Variants in TMEM38B observed in about 807,000 individuals in gnomAD.
TMEM38B encodes trimeric intracellular cation channel type B.
TMEM38B carries 24 observed loss-of-function variants against 28.7 expected under a neutral mutation model. The ratio of observed to expected loss-of-function variants is 0.84; its 90% CI spans 0.61 to 1.18. TMEM38B has a LOEUF of 1.18. TMEM38B is among the 50% of genes most tolerant of loss of function. The probability of loss-of-function intolerance (pLI) is 0.00; values close to 1 mark genes in which losing one functional copy is unlikely to be tolerated. For missense variants in TMEM38B, 380 were observed against 350.9 expected (o/e 1.08, Z -0.66); for synonymous variants, 131 against 127.7 (o/e 1.03, Z -0.17).
chr9:105,760,059 T>G, intron 5 of TMEM38B: 1 of 1,138,960 alleles, frequency 8.8e-7, no homozygotes. Context: ...CAGCTTCTTC[T>G]GTGTTGACTG....
chr9:105,732,525 G>A (rs376386150), intron 4 of TMEM38B, among the ~76,000 whole-genome samples: 2 of 152,012 alleles, frequency 1.3e-5, no homozygotes, highest in Non-Finnish European at 2.9e-5. Flanking sequence ...TTTTCTACAT[G>A]TGGCTAGCCA....
At chr9:105,699,067 G>A (rs1477645144) in intron 1 of TMEM38B, among the ~76,000 whole-genome samples, 1 of 151,926 alleles carries the variant, frequency 6.6e-6, no homozygotes, top group Non-Finnish European at 1.5e-5. Context: ...ATCACTTTAT[G>A]TCCTATGGTA....
chr9:105,737,114 A>G (rs1035695564), intron 4 of TMEM38B, among the ~76,000 whole-genome samples: 1 of 152,200 alleles, frequency 6.6e-6, no homozygotes, highest in Non-Finnish European at 1.5e-5. Flanking sequence ...CGTGGGGCCA[A>G]TGTGCTGAGC....
intron 1 of TMEM38B, among the ~76,000 whole-genome samples, chr9:105,699,528 A>G (rs371257367): frequency 9.2e-5 from 14 of 152,306 alleles, no homozygotes; most frequent in African/African-American, 3.1e-4. Flanking sequence ...TAGATCTTAA[A>G]CAATGCCACC....
intron 5 of TMEM38B, chr9:105,759,522 A>T (rs1289432851): frequency 7.0e-6 from 11 of 1,576,684 alleles, no homozygotes; most frequent in Non-Finnish European, 9.5e-6. Context: ...GTCATAATTT[A>T]ATAGGGTTAA....
intron 1 of TMEM38B, among the ~76,000 whole-genome samples, chr9:105,695,455 A>G (rs1835256426): frequency 6.6e-6 from 1 of 152,182 alleles, no homozygotes; most frequent in Non-Finnish European, 1.5e-5. Context: ...GCGTAGTTTC[A>G]CTATCTGCAG....
chr9:105,749,026 G>A (rs1486018401), intron 5 of TMEM38B: 1 of 1,260,912 alleles, frequency 7.9e-7, no homozygotes, highest in Admixed American at 2.4e-5. Flanking sequence ...ATATAAATAT[G>A]TGTCTTAGAA....
In TMEM38B at chr9:105,735,470, G is replaced by T. The variant is rs967907644; in HGVS notation, c.543-12603G>T. On this transcript the variant is annotated intron_variant, in intron 4 of 5. Transcript: ENST00000374692. ...ACTCTTAAGCATTTCTTGTAAGACT[G>T]GTCTAGTGGTGATGAATTCCCTCAG... 3.3e-5 allele frequency among the ~76,000 whole-genome samples: 5 copies of T among 152,282 alleles called. No homozygotes were observed. In the East Asian group the frequency reaches 9.6e-4, roughly 29 times the overall value.
chr9:105,701,152 T>A (rs2133546220), intron 1 of TMEM38B: 1 of 152,312 alleles, frequency 6.6e-6, no homozygotes, highest in South Asian at 2.1e-4. Context: ...ATAACCTAGT[T>A]AACAATTTTA....
At position 105,722,040 on chromosome 9, in the gene TMEM38B, T is replaced by C. The variant is rs557239450; in HGVS notation, c.454+319T>C. Among the ~76,000 whole-genome samples, 4 of 152,336 alleles carry C rather than the reference T, an allele frequency of 2.6e-5. No homozygotes were observed. In the South Asian group the frequency reaches 8.3e-4, roughly 32 times the overall value. ...TAAAATAAGTTTACATAAGAAATTA[T>C]GTGGTACATATGAATAAAAAATATT... On this transcript the variant is annotated intron_variant, in intron 3 of 5. Transcript: ENST00000374692.
chr9:105,761,459 ATACT>A (rs1182466140), intron 5 of TMEM38B, among the ~76,000 whole-genome samples: 6 of 152,222 alleles, frequency 3.9e-5, no homozygotes, highest in African/African-American at 1.4e-4. Context: ...CATTTAAAAG[ATACT>A]TATTTAGCAA....
intron 5 of TMEM38B, among the ~76,000 whole-genome samples, chr9:105,752,131 T>C (rs1190326134): frequency 6.6e-6 from 1 of 152,144 alleles, no homozygotes; most frequent in Non-Finnish European, 1.5e-5. Flanking sequence ...GGAGAGGACC[T>C]CCCTACGGGG....
rs1397295110 is a variant in TMEM38B, at chr9:105,775,297, T to A, written c.*1217T>A. The A allele has an allele frequency of 6.6e-6, 1 of 152,104 alleles. No homozygotes were observed. The highest frequency in any genetic ancestry group is 1.5e-5 in the Non-Finnish European group (1 of 67,992). 9.4% of individuals were successfully genotyped at this position (152,104 alleles called of 1,614,324 possible). A position where few individuals can be genotyped will look rare whatever the true frequency, so the allele number is the denominator to read the frequency against. On this transcript the variant is annotated 3_prime_UTR_variant, in exon 6 of 6. Transcript: ENST00000374692. ...GATGATATAAAATCTGGTTCCTTCT[T>A]AGCAAAATAAAAAACAAACAAGAAA...
chr9:105,696,535 A>C (rs187085457), intron 1 of TMEM38B, among the ~76,000 whole-genome samples: 2 of 152,200 alleles, frequency 1.3e-5, no homozygotes, highest in Non-Finnish European at 1.5e-5. Flanking sequence ...CATTTAATAC[A>C]TTTACTTTTT....
chr9:105,750,502 T>C (rs763542542), intron 5 of TMEM38B, among the ~76,000 whole-genome samples: 1 of 152,122 alleles, frequency 6.6e-6, no homozygotes, highest in Non-Finnish European at 1.5e-5. Flanking sequence ...TAATCCCAGC[T>C]ACTCAGGAGG....
At chr9:105,733,063 C>T (rs1836823269) in intron 4 of TMEM38B, among the ~76,000 whole-genome samples, 1 of 152,100 alleles carries the variant, frequency 6.6e-6, no homozygotes, top group Admixed American at 6.6e-5. Flanking sequence ...TTTCTTAATC[C>T]TGAGTTCCAA....
At chr9:105,752,227 G>T (rs979231736) in intron 5 of TMEM38B, among the ~76,000 whole-genome samples, 5 of 152,188 alleles carry the variant, frequency 3.3e-5, no homozygotes, top group African/African-American at 9.6e-5. Flanking sequence ...CTGTGACTCA[G>T]TTGACTCATC....
chr9:105,712,213 C>T lies in TMEM38B; in HGVS notation c.269+6460C>T, dbSNP rs1297243541. 2.0e-5 allele frequency among the ~76,000 whole-genome samples: 3 copies of T among 152,202 alleles called. No homozygotes were observed. In the East Asian group the frequency reaches 5.8e-4, roughly 29 times the overall value. ...TACAGGCTTGAGCCACTGTGCCCGA[C>T]CGACTTCCCACTTTAAATAACCATT... On this transcript the variant is annotated intron_variant, in intron 2 of 5. Coordinates refer to ENST00000374692, the MANE Select transcript of TMEM38B (RefSeq NM_018112.3).
intron 5 of TMEM38B, among the ~76,000 whole-genome samples, chr9:105,773,230 T>C (rs544361175): frequency 2.0e-5 from 3 of 152,322 alleles, no homozygotes; most frequent in Admixed American, 2.0e-4. Context: ...GAGCACTCTC[T>C]ACCCCTTGAG....
Sources: allele counts gnomAD v4.1 joint callset (sites outside exome capture counted in the v4.1 genomes callset), GRCh38; gene constraint gnomAD v4.1.1; transcripts MANE v1.5; gene names NCBI Gene and HGNC (gene_info 2026-07-23, HGNC 2026-07-21).